ARHGEF38: variants seen among roughly 807,000 people sequenced by gnomAD.
ARHGEF38 encodes the protein Rho guanine nucleotide exchange factor 38.
A neutral mutation model predicts 79.9 loss-of-function variants in ARHGEF38; 79 were observed. The ratio of observed to expected loss-of-function variants is 0.99; its 90% CI spans 0.82 to 1.19. The LOEUF is 1.19. Among genes scored for constraint, ARHGEF38 ranks in the 50% most tolerant of loss-of-function variants. The pLI is 0.00. For synonymous variants in ARHGEF38, 366 were observed against 328.3 expected (o/e 1.11, Z -1.24); for missense variants, 962 against 907.2 (o/e 1.06, Z -0.78).
intron 7 of ARHGEF38, 132 bp downstream of exon 7, chr4:105,648,814 GTCTCCC>G (rs1270626077): frequency 1.4e-5 from 11 of 785,346 alleles, no homozygotes; most frequent in South Asian, 2.8e-5. Flanking sequence ...CTGTTCTCTT[GTCTCCC>G]TCTCTCTCTC....
chr4:105,645,547 C>G (rs967021261), intron 6 of ARHGEF38, among the ~76,000 whole-genome samples, 160 bp downstream of exon 6: 1 of 152,118 alleles, frequency 6.6e-6, no homozygotes, highest in African/African-American at 2.4e-5. Context: ...TTTGCCTTGT[C>G]AGCTGGGTTA....
chr4:105,655,780 C>T, intron 9 of ARHGEF38, 58 bp downstream of exon 9: 1 of 1,472,296 alleles, frequency 6.8e-7, no homozygotes, highest in African/African-American at 1.4e-5. Context: ...GAAAGGAAAG[C>T]TGCTTTTTGT....
intron 2 of ARHGEF38, among the ~76,000 whole-genome samples, chr4:105,599,368 T>C (rs913697341): frequency 6.6e-6 from 1 of 152,172 alleles, no homozygotes; most frequent in African/African-American, 2.4e-5. Context: ...TAAAAATGAA[T>C]GCATTTCCCA....
chr4:105,643,208 C>T (rs907479237), intron 5 of ARHGEF38, among the ~76,000 whole-genome samples: 3 of 151,356 alleles, frequency 2.0e-5, no homozygotes, highest in South Asian at 2.1e-4. Context: ...ATCTACTTCA[C>T]TCAGTCGTCT....
At chr4:105,597,254 C>T (rs1403896024) in intron 2 of ARHGEF38, among the ~76,000 whole-genome samples, 2 of 152,128 alleles carry the variant, frequency 1.3e-5, no homozygotes, top group African/African-American at 2.4e-5. Flanking sequence ...AATGAAGCTT[C>T]TCAAAGTTAT....
intron 3 of ARHGEF38, among the ~76,000 whole-genome samples, chr4:105,617,051 T>G (rs921426678): frequency 2.0e-5 from 3 of 152,218 alleles, no homozygotes; most frequent in Non-Finnish European, 4.4e-5. Context: ...TGCAAACAGT[T>G]AAATGATGAC....
At chr4:105,631,618 T>C (rs1729197729) in intron 4 of ARHGEF38, 1 of 985,280 alleles carries the variant, frequency 1.0e-6, no homozygotes, top group Non-Finnish European at 1.2e-6. Context: ...AAGTATCTAT[T>C]CACTGTGAAA....
At chr4:105,631,514 A>G in intron 4 of ARHGEF38, 1 of 985,490 alleles carries the variant, frequency 1.0e-6, no homozygotes, top group Admixed American at 6.1e-5. Context: ...AGGCCTTGTT[A>G]AAGTTAGTTT....
intron 1 of ARHGEF38, among the ~76,000 whole-genome samples, chr4:105,566,544 T>G (rs909668033): frequency 6.6e-6 from 1 of 152,196 alleles, no homozygotes; most frequent in South Asian, 2.1e-4. Flanking sequence ...CCTCAAGCAT[T>G]TATCCTTTGT....
chr4:105,612,418 A>G (rs1728331456), intron 2 of ARHGEF38, among the ~76,000 whole-genome samples: 1 of 152,040 alleles, frequency 6.6e-6, no homozygotes, highest in Non-Finnish European at 1.5e-5. Flanking sequence ...CTACTCCTCC[A>G]TGAATTGATT....
chr4:105,585,483 A>G (rs59946753), intron 1 of ARHGEF38, among the ~76,000 whole-genome samples: 5,540 of 103,616 alleles, frequency 0.053, 336 homozygotes, highest in African/African-American at 0.14. Flanking sequence ...TTGTGGCTAG[A>G]ATAGTAAAAA....
At chr4:105,571,122 T>C (rs188959066) in intron 1 of ARHGEF38, among the ~76,000 whole-genome samples, 171 of 152,320 alleles carry the variant, frequency 1.1e-3, no homozygotes, top group Non-Finnish European at 2.0e-3. Context: ...ACAATGTGAA[T>C]GCATTTAATG....
At chr4:105,676,975 T>C (rs961931297) in intron 13 of ARHGEF38, among the ~76,000 whole-genome samples, 11 of 152,016 alleles carry the variant, frequency 7.2e-5, no homozygotes, top group Non-Finnish European at 1.3e-4. Flanking sequence ...TTTTCTTTTT[T>C]TTTTTGGAGA....
At chr4:105,650,089 T>C (rs186219258) in intron 7 of ARHGEF38, among the ~76,000 whole-genome samples, 39 of 152,370 alleles carry the variant, frequency 2.6e-4, no homozygotes, top group African/African-American at 9.1e-4. Flanking sequence ...CTGTCATTAT[T>C]ATCATAAATT....
intron 1 of ARHGEF38, among the ~76,000 whole-genome samples, chr4:105,573,743 T>A (rs1418496297): frequency 6.6e-6 from 1 of 151,444 alleles, no homozygotes; most frequent in Non-Finnish European, 1.5e-5. Context: ...GATGGGTTTT[T>A]TTTTTTATTT....
chr4:105,567,741 G>A (rs1461525836), intron 1 of ARHGEF38, among the ~76,000 whole-genome samples: 1 of 151,984 alleles, frequency 6.6e-6, no homozygotes, highest in African/African-American at 2.4e-5. Context: ...TATCCAATAT[G>A]TAATTTAAAA....
At chr4:105,629,632 T>C (rs1414562089) in intron 3 of ARHGEF38, among the ~76,000 whole-genome samples, 1 of 136,828 alleles carries the variant, frequency 7.3e-6, no homozygotes, top group Non-Finnish European at 1.5e-5. Flanking sequence ...CACATATTGC[T>C]TGGATATCTG....
chr4:105,601,723 C>G (rs1008236465), intron 2 of ARHGEF38, among the ~76,000 whole-genome samples: 5 of 152,002 alleles, frequency 3.3e-5, no homozygotes, highest in Non-Finnish European at 5.9e-5. Flanking sequence ...TCAGAGAAAG[C>G]CTTTAGGTAG....
At chr4:105,660,466 T>C (rs1260566890) in intron 10 of ARHGEF38, among the ~76,000 whole-genome samples, 5 of 148,818 alleles carry the variant, frequency 3.4e-5, no homozygotes, top group Non-Finnish European at 7.4e-5. Context: ...GGGGATGGAG[T>C]TTCACTTTTG....
Sources: allele counts gnomAD v4.1 joint callset (sites outside exome capture counted in the v4.1 genomes callset), GRCh38; gene constraint gnomAD v4.1.1; transcripts MANE v1.5; gene names NCBI Gene and HGNC (gene_info 2026-07-23, HGNC 2026-07-21).